CCDC18: variants seen among roughly 807,000 people sequenced by gnomAD.
CCDC18 encodes the protein coiled-coil domain containing 18, also known as coiled-coil domain-containing protein 18.
Under a neutral mutation model 196.0 loss-of-function variants are expected in CCDC18, and 157 were observed. That is an observed-to-expected ratio of 0.80 (90% CI 0.70 to 0.91). The LOEUF (loss-of-function observed/expected upper bound fraction) is 0.91. Among genes scored for constraint, CCDC18 ranks in the 40% least tolerant of loss-of-function variants. CCDC18 has a pLI of 0.00. For missense variants in CCDC18, 1,465 were observed against 1,611.6 expected (o/e 0.91, Z 1.56); for synonymous variants, 482 against 529.2 (o/e 0.91, Z 1.22).
chr1:93,217,721 G>C lies in CCDC18; in HGVS notation c.1831-17G>C, dbSNP rs761492561. 3 of 1,594,102 alleles carry C rather than the reference G, an allele frequency of 1.9e-6. No homozygotes were observed. The highest frequency in any genetic ancestry group is 2.6e-6 in the Non-Finnish European group (3 of 1,171,506). On this transcript the variant is annotated splice_polypyrimidine_tract_variant and intron_variant, in intron 13 of 28. Transcript: ENST00000690025. ...CCCAAATCAATTATACTCCTTTAAA[G>C]TGTTTTGTGTTTCTAGGAAAAGAAT...
chr1:93,264,184 G>C (rs1664189971), intron 26 of CCDC18, among the ~76,000 whole-genome samples: 1 of 152,154 alleles, frequency 6.6e-6, no homozygotes, highest in South Asian at 2.1e-4. Flanking sequence ...CATGAGAACA[G>C]CATGGGTGAA....
chr1:93,246,753 C>A, intron 22 of CCDC18, 85 bp from the exon 23 acceptor site: 2 of 676,970 alleles, frequency 3.0e-6, no homozygotes, highest in South Asian at 1.7e-5. Flanking sequence ...GTTATACTTG[C>A]TATAAACAAT....
At chr1:93,260,234 A>G (rs1168909649) in intron 26 of CCDC18, among the ~76,000 whole-genome samples, 2 of 152,164 alleles carry the variant, frequency 1.3e-5, no homozygotes, top group Non-Finnish European at 2.9e-5. Flanking sequence ...AAATACAAAA[A>G]TTAGCTGGGT....
At chr1:93,247,089 TTC>T in intron 23 of CCDC18, 135 bp downstream of exon 23, 2 of 501,306 alleles carry the variant, frequency 4.0e-6, no homozygotes, top group South Asian at 4.3e-5. Flanking sequence ...GACAGAGTCG[TTC>T]TCTGTCACCC....
chr1:93,186,623 TATA>T, intron 4 of CCDC18, 120 bp downstream of exon 4: 2 of 658,850 alleles, frequency 3.0e-6, no homozygotes, highest in Non-Finnish European at 5.1e-6. Flanking sequence ...TAATTTTCAT[TATA>T]ATACTATAGT....
intron 13 of CCDC18, 62 bp from the exon 14 acceptor site, chr1:93,217,676 C>G: frequency 2.1e-6 from 3 of 1,405,254 alleles, no homozygotes; most frequent in Non-Finnish European, 2.9e-6. Flanking sequence ...TGGATTCAAG[C>G]GATCTGCCTG....
intron 28 of CCDC18, chr1:93,271,328 C>T: frequency 1.0e-6 from 1 of 984,990 alleles, no homozygotes; most frequent in Non-Finnish European, 1.2e-6. Context: ...TAATTTTTCA[C>T]CCTAAAATAT....
At chr1:93,265,491 C>A (rs1664376721) in intron 27 of CCDC18, among the ~76,000 whole-genome samples, 1 of 152,106 alleles carries the variant, frequency 6.6e-6, no homozygotes, top group South Asian at 2.1e-4. Context: ...ATATGAGATA[C>A]CACATATCAA....
At chr1:93,217,965 C>T in intron 14 of CCDC18, 96 bp downstream of exon 14, 1 of 1,038,584 alleles carries the variant, frequency 9.6e-7, no homozygotes, top group Non-Finnish European at 1.4e-6. Flanking sequence ...CACAAAGATA[C>T]ACAAAAGTTA....
In CCDC18 at chr1:93,207,290, A is replaced by G. The variant is rs1408627681; in HGVS notation, c.1101A>G (p.Leu367=). 3 of 1,613,624 alleles carry G rather than the reference A, an allele frequency of 1.9e-6. No individual in the cohort carries two copies. In the Admixed American group the frequency reaches 5.0e-5, roughly 27 times the overall value. ...CTTTAATGAATGAAAACCGAGAATT[A>G]AAGGTCCGTGTTGCAGCACAGAATG... ...KFSLMNENRE[L]KVRVAAQNER... is the part of the protein sequence containing the mutation. The change falls in exon 9 of 29, where the codon TTA becomes TTG. Residue 367 remains leucine (L), a synonymous_variant. Coordinates refer to ENST00000690025, the MANE Select transcript of CCDC18 (RefSeq NM_001378204.1).
At chr1:93,181,159 T>TAAAAA (rs71094239) in intron 1 of CCDC18, among the ~76,000 whole-genome samples, 2,580 of 89,822 alleles carry the variant, frequency 0.029, 79 homozygotes, top group African/African-American at 0.038. Context: ...TCTATAAAAT[T>TAAAAA]AAAAAAAAAA....
At chr1:93,214,068 G>A (rs975837493) in intron 11 of CCDC18, among the ~76,000 whole-genome samples, 11 of 152,214 alleles carry the variant, frequency 7.2e-5, no homozygotes, top group African/African-American at 2.4e-4. Flanking sequence ...TGGAGAAGGG[G>A]CATGGTCAAG....
intron 17 of CCDC18, among the ~76,000 whole-genome samples, chr1:93,228,521 A>C (rs114476081): frequency 0.089 from 13,473 of 151,952 alleles, 1,970 homozygotes; most frequent in African/African-American, 0.31. Flanking sequence ...AAAAAAAAAA[A>C]AAACTTCAGA....
chr1:93,200,554 G>T (rs991727001), intron 6 of CCDC18, among the ~76,000 whole-genome samples: 4 of 152,156 alleles, frequency 2.6e-5, no homozygotes, highest in Non-Finnish European at 4.4e-5. Context: ...AGGTTAACAT[G>T]AATGTACAAA....
At chr1:93,276,889 G>A (rs1056870753) in intron 28 of CCDC18, among the ~76,000 whole-genome samples, 9 of 147,836 alleles carry the variant, frequency 6.1e-5, no homozygotes, top group Non-Finnish European at 7.4e-5. Context: ...AAGAAATAAG[G>A]GGACCCGGGG....
At position 93,270,542 on chromosome 1, in the gene CCDC18, A is replaced by C; in HGVS notation, c.4081A>C (p.Thr1361Pro). 6.4e-7 allele frequency: 1 copy of C among 1,550,434 alleles called. No individual in the cohort carries two copies. ...LRRSISASDL[T>P]FKIHGDEDLS... is the part of the protein sequence containing the mutation. ...TCGCTCTATTAGTGCCAGTGATCTT[A>C]CTTTCAAAATTCATGGTGATGAAGA... The change falls in exon 28 of 29, where the codon ACT becomes CCT. Residue 1361 changes from threonine to proline, a missense_variant. Coordinates refer to ENST00000690025, the MANE Select transcript of CCDC18 (RefSeq NM_001378204.1).
intron 18 of CCDC18, among the ~76,000 whole-genome samples, chr1:93,236,019 A>T (rs1307106652): frequency 6.6e-6 from 1 of 152,188 alleles, no homozygotes; most frequent in Non-Finnish European, 1.5e-5. Flanking sequence ...TTGTTCAATT[A>T]TTTTAACACT....
chr1:93,255,254 G>A (rs1057064882), intron 24 of CCDC18, among the ~76,000 whole-genome samples: 2 of 151,992 alleles, frequency 1.3e-5, no homozygotes, highest in African/African-American at 4.8e-5. Context: ...CCCGGCCGAA[G>A]AGTCAGCTAT....
chr1:93,247,615 C>T (rs972365492), intron 23 of CCDC18, among the ~76,000 whole-genome samples: 4 of 151,754 alleles, frequency 2.6e-5, no homozygotes, highest in Non-Finnish European at 5.9e-5. Flanking sequence ...GGGGTTTTGC[C>T]ATGTTGCCTA....
Sources: allele counts gnomAD v4.1 joint callset (sites outside exome capture counted in the v4.1 genomes callset), GRCh38; gene constraint gnomAD v4.1.1; transcripts MANE v1.5; gene names NCBI Gene and HGNC (gene_info 2026-07-23, HGNC 2026-07-21).